FBXO34: variants seen among roughly 807,000 people sequenced by gnomAD.
The protein encoded by FBXO34 is F-box protein 34.
FBXO34 carries 12 observed loss-of-function variants against 24.5 expected under a neutral mutation model. That is an observed-to-expected ratio of 0.49 (90% CI 0.31 to 0.79). The LOEUF (loss-of-function observed/expected upper bound fraction) is 0.79, where lower values mean the gene tolerates loss of function less well. Among genes scored for constraint, FBXO34 ranks in the 30% least tolerant of loss-of-function variants. The pLI, the probability that FBXO34 is intolerant of heterozygous loss-of-function variation, is 0.04. For missense variants in FBXO34, 823 were observed against 857.7 expected, an observed-to-expected ratio of 0.96 and a Z score of 0.51; for synonymous variants, 320 against 311.9, an observed-to-expected ratio of 1.03 and a Z score of -0.27.
chr14:55,382,740 G>A, the FBXO34 span, among the ~76,000 whole-genome samples: 2 of 152,154 alleles, frequency 1.3e-5, no homozygotes, highest in Admixed American at 6.5e-5. Context: ...CACAATGTGA[G>A]GAAGACGGAA....
the FBXO34 span, among the ~76,000 whole-genome samples, chr14:55,424,731 G>A: frequency 6.6e-6 from 1 of 152,146 alleles, no homozygotes. Context: ...ATTTGAACAG[G>A]TGCTATATAA....
chr14:55,429,313 A>T, the FBXO34 span, among the ~76,000 whole-genome samples: 1 of 152,216 alleles, frequency 6.6e-6, no homozygotes, highest in African/African-American at 2.4e-5. Context: ...TCACCTGGGA[A>T]CTTGTTAGAA....
chr14:55,294,189 A>G (rs1003622865), intron 1 of FBXO34, among the ~76,000 whole-genome samples: 1 of 152,040 alleles, frequency 6.6e-6, no homozygotes, highest in South Asian at 2.1e-4. Context: ...GCTCTGTAGA[A>G]TTTACTTATT....
downstream of FBXO34, among the ~76,000 whole-genome samples, chr14:55,371,089 G>A (rs1240122834): frequency 7.2e-5 from 11 of 152,166 alleles, no homozygotes; most frequent in Non-Finnish European, 1.2e-4. Flanking sequence ...GTGGGACCAA[G>A]GTGCCGCTCT....
intron 1 of FBXO34, among the ~76,000 whole-genome samples, chr14:55,344,407 T>C (rs531818575): frequency 2.0e-5 from 3 of 152,168 alleles, no homozygotes; most frequent in Non-Finnish European, 4.4e-5. Context: ...CAGAAAACTT[T>C]CTCCTCATTG....
chr14:55,397,448 A>C, the FBXO34 span: 2 of 1,602,530 alleles, frequency 1.2e-6, no homozygotes, highest in Non-Finnish European at 1.7e-6. Flanking sequence ...TAACAAAAAA[A>C]TTCAATGTCT....
At chr14:55,371,044 G>A (rs1263440720), downstream of FBXO34, among the ~76,000 whole-genome samples, 1 of 152,136 alleles carries the variant, frequency 6.6e-6, no homozygotes, top group African/African-American at 2.4e-5. Context: ...CCCACCCACT[G>A]CCTTCCAGGG....
downstream of FBXO34, chr14:55,369,808 G>A: frequency 6.2e-7 from 1 of 1,614,160 alleles, no homozygotes; most frequent in Non-Finnish European, 8.5e-7. Context: ...CTGTGCCCAG[G>A]TCGGTTTCTT....
the FBXO34 span, among the ~76,000 whole-genome samples, chr14:55,389,823 T>C: frequency 2.0e-5 from 3 of 152,260 alleles, no homozygotes; most frequent in Admixed American, 6.5e-5. Flanking sequence ...ACGAGTATTC[T>C]TGGGGCAAAT....
At chr14:55,320,161 G>T (rs2140020501) in intron 1 of FBXO34, among the ~76,000 whole-genome samples, 1 of 152,268 alleles carries the variant, frequency 6.6e-6, no homozygotes, top group Non-Finnish European at 1.5e-5. Flanking sequence ...CATCTACCTT[G>T]GCATTGCCTG....
chr14:55,365,114 TGAGGCAGAATGGTGTGAACCTGG>T (rs1884651407), downstream of FBXO34, among the ~76,000 whole-genome samples: 1 of 145,894 alleles, frequency 6.9e-6, no homozygotes, highest in Non-Finnish European at 1.5e-5. Flanking sequence ...CTCAGGAGGC[TGAGGCAGAATGGTGTGAACCTGG>T]GAGGCAGAGC....
chr14:55,312,202 A>AAAAC (rs373968573), intron 1 of FBXO34, among the ~76,000 whole-genome samples: 11 of 149,374 alleles, frequency 7.4e-5, no homozygotes, highest in Non-Finnish European at 1.4e-4. Context: ...ACTTTGTCTC[A>AAAAC]AAACAAACAA....
chr14:55,430,588 G>A, the FBXO34 span, among the ~76,000 whole-genome samples: 3 of 151,952 alleles, frequency 2.0e-5, no homozygotes, highest in African/African-American at 7.3e-5. Flanking sequence ...TAGAGACAGG[G>A]TCTTGCTGTC....
the FBXO34 span, chr14:55,436,486 A>G: frequency 1.6e-6 from 2 of 1,275,756 alleles, no homozygotes; most frequent in Admixed American, 4.1e-5. Context: ...ATTATCCTGA[A>G]ATTAGTTGTC....
At chr14:55,381,502 T>A in the FBXO34 span, among the ~76,000 whole-genome samples, 9 of 152,312 alleles carry the variant, frequency 5.9e-5, no homozygotes, top group Admixed American at 5.2e-4. Context: ...ATGTTTTCAG[T>A]CCATCAAGTG....
chr14:55,429,366 G>C, the FBXO34 span, among the ~76,000 whole-genome samples: 2 of 152,206 alleles, frequency 1.3e-5, no homozygotes, highest in African/African-American at 2.4e-5. Context: ...AGAAACTCTG[G>C]GGGTGGGGCC....
chr14:55,429,276 G>C, the FBXO34 span, among the ~76,000 whole-genome samples: 3 of 152,140 alleles, frequency 2.0e-5, no homozygotes, highest in Non-Finnish European at 4.4e-5. Flanking sequence ...CCAAGGATTC[G>C]CAAAGTGTGT....
chr14:55,386,237 G>A, the FBXO34 span: 1 of 583,454 alleles, frequency 1.7e-6, no homozygotes, highest in Non-Finnish European at 2.9e-6. Flanking sequence ...TTCACTAAGT[G>A]GAAAATTTGA....
At chr14:55,317,856 CCT>C (rs1246190246) in intron 1 of FBXO34, among the ~76,000 whole-genome samples, 2 of 152,106 alleles carry the variant, frequency 1.3e-5, no homozygotes, top group Non-Finnish European at 2.9e-5. Context: ...TCCAGATAAT[CCT>C]CTGTTTTAAC....
Sources: allele counts gnomAD v4.1 joint callset (sites outside exome capture counted in the v4.1 genomes callset), GRCh38; gene constraint gnomAD v4.1.1; transcripts MANE v1.5; gene names NCBI Gene and HGNC (gene_info 2026-07-23, HGNC 2026-07-21).